Variants in CELF2 observed in about 807,000 individuals in gnomAD.
The protein encoded by CELF2 is CUG triplet repeat RNA-binding protein 2.
A neutral mutation model predicts 62.6 loss-of-function variants in CELF2; 8 were observed. That is an observed-to-expected ratio of 0.13 (90% CI 0.07 to 0.23). The LOEUF is 0.23. Among genes scored for constraint, CELF2 ranks in the 10% least tolerant of loss-of-function variants. CELF2 has a pLI of 1.00. For missense variants in CELF2, 333 were observed against 671.0 expected (o/e 0.50, Z 5.56); for synonymous variants, 258 against 250.0 (o/e 1.03, Z -0.30).
chr10:11,184,137 A>G (rs554844890), intron 2 of CELF2, among the ~76,000 whole-genome samples: 31 of 152,316 alleles, frequency 2.0e-4, no homozygotes, highest in African/African-American at 6.7e-4. Context: ...TGGATATTCA[A>G]TTGTTCCAGC....
At chr10:10,561,260 C>G in the CELF2 span, among the ~76,000 whole-genome samples, 1 of 152,170 alleles carries the variant, frequency 6.6e-6, no homozygotes, top group African/African-American at 2.4e-5. Flanking sequence ...TGCCCTCTCC[C>G]CTTTCCAGCC....
the CELF2 span, among the ~76,000 whole-genome samples, chr10:10,753,091 T>G: frequency 6.6e-6 from 1 of 152,200 alleles, no homozygotes; most frequent in Non-Finnish European, 1.5e-5. Context: ...GAATAAATAA[T>G]TCTCTGAGTG....
chr10:10,717,929 A>G, the CELF2 span, among the ~76,000 whole-genome samples: 2 of 152,260 alleles, frequency 1.3e-5, no homozygotes, highest in East Asian at 3.9e-4. Context: ...ATTATAAATA[A>G]TTAAAATAAT....
At chr10:11,229,008 T>C (rs563878351) in intron 3 of CELF2, among the ~76,000 whole-genome samples, 3 of 152,290 alleles carry the variant, frequency 2.0e-5, no homozygotes, top group South Asian at 2.1e-4. Context: ...GATGGAATTA[T>C]AGATCACAGA....
At chr10:11,140,894 G>A (rs116632827) in intron 1 of CELF2, among the ~76,000 whole-genome samples, 1,781 of 152,276 alleles carry the variant, frequency 0.012, 30 homozygotes, top group African/African-American at 0.041. Flanking sequence ...GAGTGCGCCT[G>A]TATTCCCAGT....
chr10:10,799,918 T>C (rs1329682347), intron 1 of CELF2, among the ~76,000 whole-genome samples: 1 of 152,236 alleles, frequency 6.6e-6, no homozygotes, highest in Non-Finnish European at 1.5e-5. Context: ...CAGTGTCATG[T>C]CTTCCAAATA....
chr10:11,111,549 T>C (rs2055168634), intron 1 of CELF2, among the ~76,000 whole-genome samples: 1 of 152,236 alleles, frequency 6.6e-6, no homozygotes, highest in African/African-American at 2.4e-5. Context: ...GATTTATGTT[T>C]CTTTTTTTTT....
the CELF2 span, among the ~76,000 whole-genome samples, chr10:10,684,614 TG>T: frequency 6.6e-6 from 1 of 152,178 alleles, no homozygotes; most frequent in East Asian, 1.9e-4. Context: ...GCATGAGGCA[TG>T]CTCCTGTGGT....
At chr10:11,000,462 G>C (rs1170020991), upstream of CELF2, among the ~76,000 whole-genome samples, 1 of 152,080 alleles carries the variant, frequency 6.6e-6, no homozygotes, top group Non-Finnish European at 1.5e-5. Context: ...ATCATGATAA[G>C]GGGCTTTACA....
chr10:11,259,609 C>A (rs1009358399), intron 5 of CELF2, among the ~76,000 whole-genome samples: 1 of 152,164 alleles, frequency 6.6e-6, no homozygotes, highest in Admixed American at 6.5e-5. Context: ...CGGTTTTTCA[C>A]CTGTGCCATC....
chr10:10,480,474 A>G, the CELF2 span, among the ~76,000 whole-genome samples: 3 of 152,218 alleles, frequency 2.0e-5, no homozygotes, highest in African/African-American at 7.2e-5. Context: ...GAAACATAGC[A>G]AACAATCTCT....
the CELF2 span, among the ~76,000 whole-genome samples, chr10:10,569,975 T>C: frequency 8.1e-4 from 123 of 152,308 alleles, 1 homozygote; most frequent in African/African-American, 2.8e-3. Context: ...ATATACCTCA[T>C]TGGCAGAATG....
chr10:10,719,223 G>A, the CELF2 span, among the ~76,000 whole-genome samples: 4 of 151,972 alleles, frequency 2.6e-5, no homozygotes, highest in East Asian at 5.8e-4. Flanking sequence ...TTCTCAAAGT[G>A]CTGGGATTAC....
Position 11,146,410 on chromosome 10 carries a change from C to G in CELF2, c.75-19076C>G, listed in dbSNP as rs2062288896. Among the ~76,000 whole-genome samples the G allele has an allele frequency of 1.3e-5, 2 of 152,196 alleles. 1 individual carries two copies. Among genetic ancestry groups the G allele is most frequent in the South Asian group, 4.1e-4 (2 of 4,834 alleles). ...AAAAATGGATAAGATAATGTGTAAG[C>G]ATAGCTGTGTTTCAGGTCTGAACAA... On this transcript the variant is annotated intron_variant, in intron 1 of 12. Transcript: ENST00000633077.
chr10:11,093,320 A>AT (rs2048851549), intron 1 of CELF2, among the ~76,000 whole-genome samples: 1 of 152,180 alleles, frequency 6.6e-6, no homozygotes, highest in Non-Finnish European at 1.5e-5. Flanking sequence ...TTAGTCTTGA[A>AT]AGTCCTAACA....
intron 1 of CELF2, among the ~76,000 whole-genome samples, chr10:11,094,619 G>C (rs1196804556): frequency 6.6e-6 from 1 of 152,210 alleles, no homozygotes; most frequent in African/African-American, 2.4e-5. Context: ...TGAGAGCTGT[G>C]TCTATATGTT....
intron 1 of CELF2, among the ~76,000 whole-genome samples, chr10:10,908,554 G>T (rs1240327302): frequency 2.0e-5 from 3 of 151,966 alleles, no homozygotes; most frequent in Non-Finnish European, 4.4e-5. Context: ...TAAATACACT[G>T]TTGGAGAAAG....
At chr10:10,644,606 C>G in the CELF2 span, among the ~76,000 whole-genome samples, 1 of 152,150 alleles carries the variant, frequency 6.6e-6, no homozygotes, top group East Asian at 1.9e-4. Flanking sequence ...ATGATTTTGT[C>G]TGAGGCAGGA....
chr10:10,593,353 T>C, the CELF2 span, among the ~76,000 whole-genome samples: 1 of 152,244 alleles, frequency 6.6e-6, no homozygotes, highest in East Asian at 1.9e-4. Flanking sequence ...TCCAGTAGAA[T>C]GACTTGAGTG....
Sources: gnomAD v4.1 joint callset for allele counts (sites outside exome capture counted in the v4.1 genomes callset) on GRCh38, gnomAD v4.1.1 for gene constraint, MANE v1.5 for transcripts, NCBI Gene and HGNC (gene_info 2026-07-23, HGNC 2026-07-21) for gene names.